Variants in ATG4B observed in about 807,000 individuals in gnomAD.
ATG4B encodes the protein autophagy related 4B cysteine peptidase.
ATG4B carries 29 observed loss-of-function variants against 56.6 expected under a neutral mutation model. That is an observed-to-expected ratio of 0.51 (90% CI 0.38 to 0.70). The LOEUF (loss-of-function observed/expected upper bound fraction) is 0.70. Ranked by LOEUF, ATG4B falls within the 30% of genes least tolerant of loss-of-function variation. The pLI is 0.00. For missense variants in ATG4B, 461 were observed against 515.5 expected, an observed-to-expected ratio of 0.89 and a Z score of 1.02; for synonymous variants, 224 against 206.1, an observed-to-expected ratio of 1.09 and a Z score of -0.74.
At chr2:241,643,870 A>G (rs2067985929) in intron 1 of ATG4B, among the ~76,000 whole-genome samples, 1 of 151,824 alleles carries the variant, frequency 6.6e-6, no homozygotes. Flanking sequence ...GCGAGTGGAT[A>G]TTTTTTCCGA....
At chr2:241,671,604 C>T (rs1465577772) in intron 12 of ATG4B, 199 bp downstream of exon 12, 5 of 1,500,852 alleles carry the variant, frequency 3.3e-6, no homozygotes, top group African/African-American at 2.8e-5. Flanking sequence ...GCCCAGGACC[C>T]ACCTCGTCTT....
intron 6 of ATG4B, among the ~76,000 whole-genome samples, chr2:241,655,702 C>T (rs917959887): frequency 2.6e-5 from 4 of 152,146 alleles, no homozygotes; most frequent in South Asian, 2.1e-4. Context: ...GGCTGCCCTC[C>T]GCGGGCCTTG....
intron 3 of ATG4B, chr2:241,652,032 T>G (rs2068243095): frequency 2.4e-6 from 3 of 1,227,136 alleles, no homozygotes; most frequent in Admixed American, 2.4e-5. Context: ...TGGTCCCTCT[T>G]CTAGGGGTGG....
chr2:241,654,812 C>G (rs1046102875), intron 5 of ATG4B, 165 bp downstream of exon 5: 3 of 626,266 alleles, frequency 4.8e-6, no homozygotes, highest in Non-Finnish European at 8.5e-6. Context: ...CACATCACCC[C>G]CGTGTCATCC....
intron 1 of ATG4B, among the ~76,000 whole-genome samples, chr2:241,642,898 T>TTTTTTTTA (rs869121991): frequency 2.8e-5 from 4 of 140,908 alleles, no homozygotes; most frequent in Non-Finnish European, 4.6e-5. Context: ...TTTTTTTTTT[T>TTTTTTTTA]AAGACGGAGT....
intron 1 of ATG4B, among the ~76,000 whole-genome samples, chr2:241,646,985 T>C (rs1443050516): frequency 6.6e-6 from 1 of 152,178 alleles, no homozygotes; most frequent in African/African-American, 2.4e-5. Context: ...GATTTCACCA[T>C]GTTGACCAGG....
At chr2:241,653,226 G>C (rs183884130) in intron 3 of ATG4B, 4 of 991,928 alleles carry the variant, frequency 4.0e-6, no homozygotes, top group Non-Finnish European at 6.2e-6. Context: ...GATGACTTAC[G>C]GGGGTCAGTG....
In ATG4B at chr2:241,668,660, C is replaced by T. The variant is rs771992890; in HGVS notation, c.932C>T (p.Ala311Val). ...CQHPPCRMSI[A>V]ELDPSIAVGF... ...CACCCGCCGTGCCGCATGAGCATCG[C>T]GGAGCTTGACCCGTCCATCGCTGTG... The change falls in exon 10 of 13, where the codon GCG becomes GTG. Residue 311 changes from alanine (A) to valine (V), a missense_variant. Physicochemically the swap from Ala to Val is moderately conservative, Grantham distance 64 (BLOSUM62 0). Coordinates refer to ENST00000404914, the MANE Select transcript of ATG4B (RefSeq NM_013325.5). This position sits in a 1 kb window ranked among gnomAD's most constrained non-coding sequence, Gnocchi z 4.2. The T allele has an allele frequency of 8.2e-6, 13 of 1,577,528 alleles. No homozygotes were observed. Among genetic ancestry groups the T allele is most frequent in the Admixed American group, 5.5e-5 (3 of 54,908 alleles).
In ATG4B at chr2:241,673,513, C is replaced by T. The variant is rs576661361; in HGVS notation, c.*1249C>T. On this transcript the variant is annotated 3_prime_UTR_variant, in exon 13 of 13. Transcript: ENST00000404914. ...GGAGCCAGAGATCCCCGAGGACGCGCGCCGGACAGTCGGCACTGACCGGCC... is the reference window on the plus strand; with the variant it reads ...GGAGCCAGAGATCCCCGAGGACGCGTGCCGGACAGTCGGCACTGACCGGCC... 45 of 443,328 alleles carry T rather than the reference C, an allele frequency of 1.0e-4. No individual in the cohort carries two copies. Among genetic ancestry groups the T allele is most frequent in the East Asian group, 7.8e-4 (11 of 14,114 alleles). The allele number at this position is 443,328 out of a possible 1,614,324, so 27.5% of individuals were successfully genotyped here.
chr2:241,666,904 C>G, intron 8 of ATG4B, 66 bp downstream of exon 8: 1 of 1,501,568 alleles, frequency 6.7e-7, no homozygotes, highest in South Asian at 1.2e-5. Context: ...TAGTCACTTT[C>G]AGCGCATCGT....
chr2:241,659,654 G>C (rs2068530230), intron 7 of ATG4B: 1 of 297,798 alleles, frequency 3.4e-6, no homozygotes, highest in African/African-American at 2.2e-5. Context: ...ACCTGGGCGT[G>C]GCAACATTTA....
At position 241,637,700 on chromosome 2, in the gene ATG4B, G is replaced by A. The variant is rs1477212654; in HGVS notation, c.-15G>A. 5 of 1,584,188 alleles carry A rather than the reference G, an allele frequency of 3.2e-6. No homozygotes were observed. Among genetic ancestry groups the A allele is most frequent in the Admixed American group, 1.8e-5 (1 of 56,616 alleles). On this transcript the variant is annotated 5_prime_UTR_variant, in exon 1 of 13. Transcript: ENST00000404914. ...AGCGACGCCGCTCGGGTCAGTCGGCGGCCGGACTGGGAAGATGGACGCAGG... is the reference window on the plus strand; with the variant it reads ...AGCGACGCCGCTCGGGTCAGTCGGCAGCCGGACTGGGAAGATGGACGCAGG...
intron 8 of ATG4B, among the ~76,000 whole-genome samples, chr2:241,667,533 G>A (rs893205996): frequency 6.6e-6 from 1 of 151,386 alleles, no homozygotes; most frequent in Non-Finnish European, 1.5e-5. Flanking sequence ...GAACCCAGGA[G>A]GCGGAGCTTG....
intron 3 of ATG4B, among the ~76,000 whole-genome samples, chr2:241,652,775 G>T (rs1266397479): frequency 6.6e-6 from 1 of 152,226 alleles, no homozygotes; most frequent in African/African-American, 2.4e-5. Flanking sequence ...AAGACACAGG[G>T]TTTATTGTCC....
intron 7 of ATG4B, among the ~76,000 whole-genome samples, chr2:241,663,373 T>C (rs1157594261): frequency 6.6e-6 from 1 of 152,184 alleles, no homozygotes; most frequent in Non-Finnish European, 1.5e-5. Context: ...AACCCTAGAT[T>C]GTGACAGCAG....
chr2:241,670,653 G>A (rs2068938348), intron 10 of ATG4B, 73 bp from the exon 11 acceptor site: 1 of 1,370,908 alleles, frequency 7.3e-7, no homozygotes, highest in Admixed American at 1.9e-5. Flanking sequence ...CTGGCAGTGG[G>A]AATGGAAGCC....
At position 241,653,607 on chromosome 2, in the gene ATG4B, C is replaced by T. The variant is rs1399287598; in HGVS notation, c.280C>T (p.Arg94Ter). 3.2e-6 allele frequency: 5 copies of T among 1,563,114 alleles called. No individual in the cohort carries two copies. The highest frequency in any genetic ancestry group is 1.2e-5 in the South Asian group (1 of 84,744). ...AGCCCTGGTGTGCCGGCACCTAGGC[C>T]GAGGTGAGTCACAGCCCTGGGGAGG... ...AQALVCRHLG[R>*]DWRWTQRKRQ... The change falls in exon 4 of 13, where the codon CGA becomes TGA. Residue 94 changes from arginine to a stop codon, truncating the protein, a stop_gained. Transcript: ENST00000404914. LOFTEE classifies it high-confidence loss of function.
At chr2:241,644,990 A>G (rs1045495209) in intron 1 of ATG4B, among the ~76,000 whole-genome samples, 2 of 152,130 alleles carry the variant, frequency 1.3e-5, no homozygotes, top group Non-Finnish European at 2.9e-5. Flanking sequence ...AATTCCAAAA[A>G]AGTTATCTTC....
chr2:241,641,956 C>G (rs1357800773), intron 1 of ATG4B, among the ~76,000 whole-genome samples: 1 of 152,080 alleles, frequency 6.6e-6, no homozygotes, highest in Non-Finnish European at 1.5e-5. Flanking sequence ...GCCACACTGC[C>G]CATTCCTTGA....
Sources: allele counts gnomAD v4.1 joint callset (sites outside exome capture counted in the v4.1 genomes callset), GRCh38; gene constraint gnomAD v4.1.1; non-coding constraint Gnocchi (gnomAD v3.1); transcripts MANE v1.5; gene names NCBI Gene and HGNC (gene_info 2026-07-23, HGNC 2026-07-21).